Variants in CD96 observed in about 807,000 individuals in gnomAD.
CD96 encodes T-cell surface protein tactile.
A neutral mutation model predicts 71.3 loss-of-function variants in CD96; 70 were observed. The observed-to-expected ratio is 0.98, with a 90% CI of 0.81 to 1.20. The LOEUF is 1.20. Among genes scored for constraint, CD96 ranks in the 50% most tolerant of loss-of-function variants. The pLI is 0.00. For synonymous variants in CD96, 248 were observed against 233.0 expected, an observed-to-expected ratio of 1.06 and a Z score of -0.59; for missense variants, 742 against 677.5, an observed-to-expected ratio of 1.10 and a Z score of -1.06.
chr3:111,560,387 C>G (rs927867119), intron 2 of CD96, among the ~76,000 whole-genome samples: 2 of 150,444 alleles, frequency 1.3e-5, no homozygotes, highest in Admixed American at 1.3e-4. Context: ...TTCAGGAGCT[C>G]TTTTAGGGCA....
downstream of CD96, among the ~76,000 whole-genome samples, chr3:111,653,435 TA>T (rs897856088): frequency 1.3e-5 from 2 of 152,266 alleles, no homozygotes; most frequent in Admixed American, 1.3e-4. Context: ...TTTATTTTTT[TA>T]AAAAAATAGT....
intron 5 of CD96, among the ~76,000 whole-genome samples, chr3:111,591,568 T>A (rs1369027602): frequency 6.6e-6 from 1 of 152,186 alleles, no homozygotes; most frequent in East Asian, 1.9e-4. Context: ...TTTCATTTTT[T>A]AAATAATTAG....
chr3:111,555,451 T>A (rs1308839857), intron 2 of CD96, among the ~76,000 whole-genome samples: 1 of 152,302 alleles, frequency 6.6e-6, no homozygotes, highest in East Asian at 1.9e-4. Context: ...CATTTTTAAT[T>A]TTAAAGGATA....
chr3:111,639,871 A>C (rs1939511640), intron 12 of CD96, among the ~76,000 whole-genome samples: 1 of 152,188 alleles, frequency 6.6e-6, no homozygotes, highest in Admixed American at 6.5e-5. Flanking sequence ...CTAGACCCAG[A>C]GGAGAGACAA....
chr3:111,572,559 A>G (rs1936033063), intron 3 of CD96, among the ~76,000 whole-genome samples: 1 of 152,216 alleles, frequency 6.6e-6, no homozygotes, highest in Non-Finnish European at 1.5e-5. Context: ...TTGTTCTTAC[A>G]AACATATATA....
At chr3:111,656,427 C>G (rs558442133), downstream of CD96, among the ~76,000 whole-genome samples, 2 of 152,106 alleles carry the variant, frequency 1.3e-5, no homozygotes, top group African/African-American at 4.8e-5. Flanking sequence ...AATGGTGCCA[C>G]CAATATTGAG....
chr3:111,653,699 T>C (rs1940160418), downstream of CD96, among the ~76,000 whole-genome samples: 1 of 152,226 alleles, frequency 6.6e-6, no homozygotes, highest in Non-Finnish European at 1.5e-5. Context: ...GTAATCAATA[T>C]TTAATTGCTT....
chr3:111,577,890 C>T lies in CD96; in HGVS notation c.544-1137C>T, dbSNP rs185335218. ...ATTGAATGCACTCCTGTTTACCCTT[C>T]TCCATTTTACTTCCCTCCATTTCCC... On this transcript the variant is annotated intron_variant, in intron 3 of 13. Transcript: ENST00000352690. Among the ~76,000 whole-genome samples, 63 of 152,264 alleles carry T rather than the reference C, an allele frequency of 4.1e-4. 1 individual carries two copies. Among genetic ancestry groups the T allele is most frequent in the Admixed American group, 4.1e-3 (62 of 15,290 alleles).
At chr3:111,556,035 A>G (rs1342833610) in intron 2 of CD96, among the ~76,000 whole-genome samples, 13 of 152,280 alleles carry the variant, frequency 8.5e-5, no homozygotes, top group African/African-American at 2.2e-4. Context: ...AGCCATCTCA[A>G]ATTTGCTATT....
chr3:111,602,007 T>C (rs1937512929), intron 7 of CD96, among the ~76,000 whole-genome samples: 2 of 152,232 alleles, frequency 1.3e-5, no homozygotes, highest in Admixed American at 6.5e-5. Flanking sequence ...TCCTGTGTAC[T>C]TTGAGTTAAT....
At chr3:111,558,377 TC>T (rs1195278414) in intron 2 of CD96, among the ~76,000 whole-genome samples, 1 of 139,376 alleles carries the variant, frequency 7.2e-6, no homozygotes, top group Non-Finnish European at 1.5e-5. Flanking sequence ...TTGAAATACG[TC>T]CCATCAATAC....
chr3:111,664,439 A>T (rs143692350), intron 14 of CD96, among the ~76,000 whole-genome samples: 5 of 152,364 alleles, frequency 3.3e-5, no homozygotes, highest in African/African-American at 1.2e-4. Flanking sequence ...GTTCTCACTT[A>T]TAAGTGGGAG....
chr3:111,596,304 AT>A lies in CD96; in HGVS notation c.808-1815del, dbSNP rs1937259904. Among the ~76,000 whole-genome samples the A allele has an allele frequency of 2.0e-5, 3 of 152,320 alleles. No homozygotes were observed. The South Asian group carries it at 6.2e-4, about 32-fold the overall frequency. On this transcript the variant is annotated intron_variant, in intron 5 of 13. Transcript: ENST00000352690. ...TGGGGGAAAAAGATTCAAAATAGGA[AT>A]GAGACTGGGAGGAGTTTTAGAACAT...
At chr3:111,588,927 G>T (rs2107612448) in intron 5 of CD96, among the ~76,000 whole-genome samples, 1 of 151,246 alleles carries the variant, frequency 6.6e-6, no homozygotes, top group Non-Finnish European at 1.5e-5. Context: ...TACAGCTTTT[G>T]GTAGGTGTTT....
chr3:111,594,169 T>C (rs1394684495), intron 5 of CD96: 4 of 1,605,228 alleles, frequency 2.5e-6, no homozygotes, highest in Non-Finnish European at 3.4e-6. Context: ...TCATCATTGT[T>C]CCCTCCTCTT....
chr3:111,608,750 T>C (rs1369100086), intron 8 of CD96, among the ~76,000 whole-genome samples: 5 of 152,210 alleles, frequency 3.3e-5, no homozygotes, highest in African/African-American at 1.2e-4. Flanking sequence ...AACTATTAGT[T>C]GAATAACTAA....
intron 2 of CD96, among the ~76,000 whole-genome samples, chr3:111,548,653 C>T (rs1934538098): frequency 1.3e-5 from 2 of 152,060 alleles, no homozygotes. Flanking sequence ...CTTTAATTTA[C>T]TAGTTCACAG....
intron 5 of CD96, chr3:111,595,203 C>A: frequency 6.5e-6 from 1 of 153,732 alleles, no homozygotes. Flanking sequence ...TCTCTCCTTT[C>A]TTGGGTCATT....
intron 5 of CD96, among the ~76,000 whole-genome samples, chr3:111,596,834 A>T (rs1009038611): frequency 3.3e-5 from 5 of 152,178 alleles, no homozygotes; most frequent in African/African-American, 4.8e-5. Flanking sequence ...TATCCCCATT[A>T]TCTGGAAAGG....
Sources: allele counts gnomAD v4.1 joint callset (sites outside exome capture counted in the v4.1 genomes callset), GRCh38; gene constraint gnomAD v4.1.1; transcripts MANE v1.5; gene names NCBI Gene and HGNC (gene_info 2026-07-23, HGNC 2026-07-21).